The following ABT1 variants were observed in gnomAD, a reference collection of about 807,000 sequenced individuals.
ABT1 encodes the protein activator of basal transcription 1.
ABT1 carries 13 observed loss-of-function variants against 14.0 expected under a neutral mutation model. The observed-to-expected ratio is 0.93, with a 90% confidence interval of 0.61 to 1.48. ABT1 has a LOEUF of 1.48. Among genes scored for constraint, ABT1 ranks in the 40% most tolerant of loss-of-function variants. ABT1 has a pLI of 0.00. For missense variants in ABT1, 430 were observed against 380.0 expected, an observed-to-expected ratio of 1.13 and a Z score of -1.09; for synonymous variants, 165 against 144.6, an observed-to-expected ratio of 1.14 and a Z score of -1.01.
intron 1 of ABT1, among the ~76,000 whole-genome samples, chr6:26,597,495 C>T (rs966038430): frequency 6.6e-6 from 1 of 152,156 alleles, no homozygotes; most frequent in Non-Finnish European, 1.5e-5. Flanking sequence ...CTTATCCCGG[C>T]TCTGTTCACC....
chr6:26,597,917 G>T lies in ABT1; in HGVS notation c.245G>T (p.Arg82Leu), dbSNP rs144740190. 8 of 1,610,086 alleles carry T rather than the reference G, an allele frequency of 5.0e-6. No individual in the cohort carries two copies. Among genetic ancestry groups the T allele is most frequent in the Non-Finnish European group, 6.8e-6 (8 of 1,177,438 alleles). ...GGTCTTTGTCTTTGGCGCGCAGACC[G>T]GTTCGTGAGACGCAAGAAGAAGGCA... is the stretch of plus-strand genomic sequence containing the variant. Reference protein sequence around the residue: ...VGRVFFQAEDRFVRRKKKAAA... With the variant: ...VGRVFFQAEDLFVRRKKKAAA... The change falls in exon 2 of 3, where the codon CGG (arginine) becomes CTG (leucine). Residue 82 changes from arginine (R) to leucine (L), a missense_variant. Coordinates refer to ENST00000274849, the MANE Select transcript of ABT1 (RefSeq NM_013375.4).
chr6:26,597,868 A>G (rs1554144656), intron 1 of ABT1, 46 bp from the exon 2 acceptor site: 1 of 1,529,232 alleles, frequency 6.5e-7, no homozygotes. Context: ...CTTTTGAGTG[A>G]GTGCTGCATA....
Position 26,598,146 on chromosome 6 carries a change from C to T in ABT1, c.438+36C>T, listed in dbSNP as rs1554144743. The T allele has an allele frequency of 1.9e-6, 3 of 1,586,602 alleles. No homozygotes were observed. The South Asian group carries it at 3.4e-5, about 18-fold the overall frequency. On this transcript the variant is annotated intron_variant, in intron 2 of 2. Transcript: ENST00000274849. ...AGATCTTTCTGCCACACCTCTCACC[C>T]TCCCTTCTCCCCAACTCTGGCCCAA...
chr6:26,598,643 T>G lies in ABT1; in HGVS notation c.817T>G (p.Ter273GlyextTer22). Residue 273 changes from the stop codon to glycine (G), a stop_lost, in exon 3 of 3, where the codon TGA becomes GGA. Coordinates refer to ENST00000274849, the MANE Select transcript of ABT1 (RefSeq NM_013375.4). ...GGGACCTTCCCTTGTCAGGGACTCC[T>G]GAGGGCCTGGGTGGCCCCTTCCATT... Reference protein sequence around the residue: ...MEGPSLVRDS* With the variant: ...MEGPSLVRDSG 2 of 1,551,152 alleles carry G rather than the reference T, an allele frequency of 1.3e-6. No individual in the cohort carries two copies. Among genetic ancestry groups the G allele is most frequent in the Non-Finnish European group, 1.7e-6 (2 of 1,145,768 alleles).
At position 26,598,331 on chromosome 6, in the gene ABT1, C is replaced by T; in HGVS notation, c.505C>T (p.Gln169Ter). The T allele has an allele frequency of 6.2e-7, 1 of 1,614,270 alleles. No homozygotes were observed. Among genetic ancestry groups the T allele is most frequent in the Non-Finnish European group, 8.5e-7 (1 of 1,180,048 alleles). ...CGCCTTTGAGCGCCAGGTGCGCAGG[C>T]AGCGCTTGAGAGCGGAGGTTGCTCA... is the stretch of plus-strand genomic sequence containing the variant. ...HLAFERQVRR[Q>*]RLRAEVAQAK... The change falls in exon 3 of 3, where the codon CAG (glutamine) becomes TAG (stop). Residue 169 changes from glutamine to a stop codon, truncating the protein, a stop_gained. Coordinates refer to ENST00000274849, the MANE Select transcript of ABT1 (RefSeq NM_013375.4). LOFTEE classifies it high-confidence loss of function.
Position 26,599,204 on chromosome 6 carries a change from T to G in ABT1, c.*559T>G, listed in dbSNP as rs1360278393. On this transcript the variant is annotated 3_prime_UTR_variant, in exon 3 of 3. Transcript: ENST00000274849. ...GTTCCAACTTTCATCTTGTGTTCCC[T>G]TCACCTTCATATCCTGATCTTAGAG... 6.6e-6 allele frequency: 1 copy of G among 152,230 alleles called. No individual in the cohort carries two copies. Among genetic ancestry groups the G allele is most frequent in the East Asian group, 1.9e-4 (1 of 5,202 alleles). 9.4% of individuals were successfully genotyped at this position (152,230 alleles called of 1,614,324 possible). A position where few individuals can be genotyped will look rare whatever the true frequency, so the allele number is the denominator to read the frequency against.
Position 26,597,168 on chromosome 6 carries a change from C to G in ABT1, c.186C>G (p.Val62=). The change falls in exon 1 of 3, where the codon GTC becomes GTG. Residue 62 remains valine, a synonymous_variant. Transcript: ENST00000274849. ...HIPPRFRPLH[V]RNLLSAYGEV... ...CGCCGCGCTTCCGGCCCCTGCACGT[C>G]CGCAACCTTCTCAGCGCCTATGGCG... 13 of 1,614,270 alleles carry G rather than the reference C, an allele frequency of 8.1e-6. No individual in the cohort carries two copies. Among genetic ancestry groups the G allele is most frequent in the Non-Finnish European group, 1.0e-5 (12 of 1,180,046 alleles).
chr6:26,598,231 A>G (rs1364640688), intron 2 of ABT1, 34 bp from the exon 3 acceptor site: 7 of 1,594,990 alleles, frequency 4.4e-6, no homozygotes, highest in Non-Finnish European at 6.0e-6. Context: ...CCTAATCTGC[A>G]CTATCCTGAT....
At position 26,597,042 on chromosome 6, in the gene ABT1, A is replaced by G. The variant is rs781995841; in HGVS notation, c.60A>G (p.Glu20=). 6.2e-7 allele frequency: 1 copy of G among 1,613,736 alleles called. No homozygotes were observed. The highest frequency in any genetic ancestry group is 1.3e-5 in the African/African-American group (1 of 74,920). The change falls in exon 1 of 3, where the codon GAA becomes GAG. Residue 20 remains glutamate (E), a synonymous_variant. Coordinates refer to ENST00000274849, the MANE Select transcript of ABT1 (RefSeq NM_013375.4). ...AGCAAGAGCCGCTGGAAGGGACAGA[A>G]CAGACACTAGATGCGGAGGAGGAGC... The part of the protein sequence containing the change: ...ATEQEPLEGT[E]QTLDAEEEQE...
Position 26,599,544 on chromosome 6 carries a change from G to A in ABT1, c.*899G>A, listed in dbSNP as rs1044477991. The A allele has an allele frequency of 3.3e-5, 5 of 152,208 alleles. No individual in the cohort carries two copies. Among genetic ancestry groups the A allele is most frequent in the Non-Finnish European group, 7.3e-5 (5 of 68,040 alleles). The allele number at this position is 152,208 out of a possible 1,614,324, so 9.4% of individuals were successfully genotyped here. A position where few individuals can be genotyped will look rare whatever the true frequency, so the allele number is the denominator to read the frequency against. ...TCAGTGGTGAGTCAGTCCTCACCAA[G>A]TTTTCCAGATCATTCCTACAAAGTA... On this transcript the variant is annotated 3_prime_UTR_variant, in exon 3 of 3. Transcript: ENST00000274849.
rs782230542 is a variant in ABT1 at position 26,597,011 on chromosome 6, C to T, written c.29C>T (p.Ala10Val). 9.9e-6 allele frequency: 16 copies of T among 1,612,678 alleles called. No homozygotes were observed. The highest frequency in any genetic ancestry group is 1.4e-5 in the Non-Finnish European group (16 of 1,179,680). The change falls in exon 1 of 3, where the codon GCA becomes GTA. Residue 10 changes from alanine to valine, a missense_variant. Physicochemically the swap from Ala to Val is moderately conservative, Grantham distance 64 (BLOSUM62 0). Coordinates refer to ENST00000274849, the MANE Select transcript of ABT1 (RefSeq NM_013375.4). MEAEESEKA[A>V]TEQEPLEGTE... ...GAGGCAGAGGAATCGGAGAAGGCCGCAACGGAGCAAGAGCCGCTGGAAGGG... is the reference window on the plus strand; with the variant it reads ...GAGGCAGAGGAATCGGAGAAGGCCGTAACGGAGCAAGAGCCGCTGGAAGGG...
At chr6:26,597,291 G>A (rs932044449) in intron 1 of ABT1, 68 bp downstream of exon 1, 1 of 1,572,490 alleles carries the variant, frequency 6.4e-7, no homozygotes. Flanking sequence ...AAGCATGCAT[G>A]TCCTGTTGCT....
In ABT1 at chr6:26,597,138, T is replaced by C; in HGVS notation, c.156T>C (p.His52=). Residue 52 remains histidine, a synonymous_variant, in exon 1 of 3, where the codon CAT becomes CAC. Transcript: ENST00000274849. ...RVVPGIVYLG[H]IPPRFRPLHV... is the part of the protein sequence containing the mutation. ...TGCCAGGTATTGTGTACCTGGGCCA[T>C]ATCCCGCCGCGCTTCCGGCCCCTGC... 6.2e-7 allele frequency: 1 copy of C among 1,614,194 alleles called. No individual in the cohort carries two copies.
chr6:26,597,146 C>T lies in ABT1; in HGVS notation c.164C>T (p.Pro55Leu). 6.2e-7 allele frequency: 1 copy of T among 1,614,208 alleles called. No individual in the cohort carries two copies. The highest frequency in any genetic ancestry group is 8.5e-7 in the Non-Finnish European group (1 of 1,180,036). Residue 55 changes from proline (P) to leucine (L), a missense_variant, in exon 1 of 3, where the codon CCG becomes CTG. Physicochemically the swap from Pro to Leu is moderately conservative, Grantham distance 98. Transcript: ENST00000274849. ...PGIVYLGHIP[P>L]RFRPLHVRNL... ...ATTGTGTACCTGGGCCATATCCCGC[C>T]GCGCTTCCGGCCCCTGCACGTCCGC...
chr6:26,598,593 C>G lies in ABT1; in HGVS notation c.767C>G (p.Ala256Gly), dbSNP rs1196984828. The change falls in exon 3 of 3, where the codon GCC becomes GGC. Residue 256 changes from alanine to glycine, a missense_variant. Coordinates refer to ENST00000274849, the MANE Select transcript of ABT1 (RefSeq NM_013375.4). ...NKGLLARIFGAPPPSESMEGP... is the reference protein window; with the variant it reads ...NKGLLARIFGGPPPSESMEGP... ...GGGCTCCTGGCCAGGATCTTTGGAG[C>G]CCCGCCACCCTCAGAGAGCATGGAG... The G allele has an allele frequency of 6.3e-7, 1 of 1,598,486 alleles. No individual in the cohort carries two copies. The highest frequency in any genetic ancestry group is 8.6e-7 in the Non-Finnish European group (1 of 1,168,892).
In ABT1 at chr6:26,598,640, T is replaced by G. The variant is rs1554144850; in HGVS notation, c.814T>G (p.Ser272Ala). 6.4e-7 allele frequency: 1 copy of G among 1,554,774 alleles called. No individual in the cohort carries two copies. The highest frequency in any genetic ancestry group is 1.4e-5 in the African/African-American group (1 of 73,330). Residue 272 changes from serine (S) to alanine (A), a missense_variant, in exon 3 of 3, where the codon TCC (serine) becomes GCC (alanine). Coordinates refer to ENST00000274849, the MANE Select transcript of ABT1 (RefSeq NM_013375.4). ...SMEGPSLVRD[S>A] ...GGAGGGACCTTCCCTTGTCAGGGACTCCTGAGGGCCTGGGTGGCCCCTTCC... is the reference window on the plus strand; with the variant it reads ...GGAGGGACCTTCCCTTGTCAGGGACGCCTGAGGGCCTGGGTGGCCCCTTCC...
chr6:26,598,282 C>G lies in ABT1; in HGVS notation c.456C>G (p.Thr152=), dbSNP rs1764930262. 1 of 1,613,286 alleles carries G rather than the reference C, an allele frequency of 6.2e-7. No homozygotes were observed. Among genetic ancestry groups the G allele is most frequent in the Admixed American group, 1.7e-5 (1 of 60,008 alleles). ...LWNLKYLHRF[T]WSHLSEHLAF... is the part of the protein sequence containing the mutation. ...GCCCACAGTACTTGCACCGTTTCAC[C>G]TGGTCCCACCTCAGCGAGCACCTCG... The change falls in exon 3 of 3, where the codon ACC becomes ACG. Residue 152 remains threonine (T), a synonymous_variant. Transcript: ENST00000274849.
rs1764944784 is a variant in ABT1, at chr6:26,599,149, ATTT to A, written c.*507_*509del. On this transcript the variant is annotated 3_prime_UTR_variant, in exon 3 of 3. Coordinates refer to ENST00000274849, the MANE Select transcript of ABT1 (RefSeq NM_013375.4). ...TAAAAATATTTTTATGTGCCTTTTT[ATTT>A]TTGTTGGTGGGGAGGTCATTGGACA... is the stretch of plus-strand genomic sequence containing the variant. The A allele has an allele frequency of 6.6e-6, 1 of 151,894 alleles. No homozygotes were observed. The highest frequency in any genetic ancestry group is 1.5e-5 in the Non-Finnish European group (1 of 67,934). 9.4% of individuals were successfully genotyped at this position (151,894 alleles called of 1,614,324 possible).
At chr6:26,597,389 G>A (rs1341782975) in intron 1 of ABT1, among the ~76,000 whole-genome samples, 166 bp downstream of exon 1, 3 of 152,038 alleles carry the variant, frequency 2.0e-5, no homozygotes, top group African/African-American at 7.2e-5. Context: ...CAGTCTGTGA[G>A]GATGCTGGGG....
Sources: gnomAD v4.1 joint callset for allele counts (sites outside exome capture counted in the v4.1 genomes callset) on GRCh38, gnomAD v4.1.1 for gene constraint, MANE v1.5 for transcripts, NCBI Gene and HGNC (gene_info 2026-07-23, HGNC 2026-07-21) for gene names.